The following FRRS1 variants were observed in gnomAD, a reference collection of about 807,000 sequenced individuals.
FRRS1 encodes ferric chelate reductase 1.
Under a neutral mutation model 70.7 loss-of-function variants are expected in FRRS1, and 51 were observed. The observed-to-expected ratio is 0.72, with a 90% CI of 0.58 to 0.91. The LOEUF is 0.91. Among genes scored for constraint, FRRS1 ranks in the 40% least tolerant of loss-of-function variants. The pLI is 0.00. For synonymous variants in FRRS1, 225 were observed against 238.7 expected, an observed-to-expected ratio of 0.94 and a Z score of 0.53; for missense variants, 672 against 726.0, an observed-to-expected ratio of 0.93 and a Z score of 0.86.
chr1:99,725,173 C>T (rs1370289982), intron 9 of FRRS1, among the ~76,000 whole-genome samples: 2 of 152,094 alleles, frequency 1.3e-5, no homozygotes, highest in Admixed American at 6.6e-5. Flanking sequence ...CTAATGCCAC[C>T]GCTGATCTGA....
intron 1 of FRRS1, among the ~76,000 whole-genome samples, chr1:99,760,263 T>C (rs1372318101): frequency 6.6e-6 from 1 of 152,250 alleles, no homozygotes; most frequent in Non-Finnish European, 1.5e-5. Flanking sequence ...ACTATTGGGC[T>C]TAGATAAACT....
chr1:99,709,405 G>A, intron 15 of FRRS1, 146 bp from the exon 16 acceptor site: 3 of 624,720 alleles, frequency 4.8e-6, no homozygotes, highest in Non-Finnish European at 8.6e-6. Context: ...CAGACTTCCT[G>A]AACAATTAAG....
At chr1:99,756,036 T>C (rs995187895) in intron 1 of FRRS1, among the ~76,000 whole-genome samples, 2 of 152,202 alleles carry the variant, frequency 1.3e-5, no homozygotes, top group African/African-American at 4.8e-5. Context: ...TTAGCCAACC[T>C]ATATTAACAG....
In FRRS1 at chr1:99,706,091, T is replaced by G. The variant is rs1399884074; in HGVS notation, c.*2937A>C. 6.6e-6 allele frequency among the ~76,000 whole-genome samples: 1 copy of G among 151,962 alleles called. No individual in the cohort carries two copies. Among genetic ancestry groups the G allele is most frequent in the African/African-American group, 2.4e-5 (1 of 41,378 alleles). ...GAATAATTTGGTTCTAATCAAAAGA[T>G]TTGGTCTATTTGGGGCCAGGTGCAA... is the stretch of plus-strand genomic sequence containing the variant. On this transcript the variant is annotated 3_prime_UTR_variant, in exon 17 of 17. Coordinates refer to ENST00000646001, the MANE Select transcript of FRRS1 (RefSeq NM_001361041.2).
rs191051738 is a variant in FRRS1, at chr1:99,713,309, G to A, written c.1324-794C>T. On this transcript the variant is annotated intron_variant, in intron 12 of 16. Transcript: ENST00000646001. ...CCAAGGAATCCAGCTTTAGAATGGC[G>A]CTCTTAACCTTTGTTCTATCGTATT... Among the ~76,000 whole-genome samples, 29 of 152,294 alleles carry A rather than the reference G, an allele frequency of 1.9e-4. 1 individual carries two copies. Among genetic ancestry groups the A allele is most frequent in the Admixed American group, 5.2e-4 (8 of 15,306 alleles).
chr1:99,752,493 C>A (rs924641761), intron 1 of FRRS1, among the ~76,000 whole-genome samples: 6 of 152,202 alleles, frequency 3.9e-5, no homozygotes, highest in African/African-American at 1.4e-4. Flanking sequence ...TCAGAACATA[C>A]ACAGTTATCA....
At chr1:99,732,929 G>C (rs902789032) in intron 7 of FRRS1, among the ~76,000 whole-genome samples, 2 of 150,438 alleles carry the variant, frequency 1.3e-5, no homozygotes, top group Non-Finnish European at 1.5e-5. Context: ...CTGCAGCTTT[G>C]ACCTCCTGGG....
At chr1:99,755,141 C>T (rs759255429) in intron 1 of FRRS1, among the ~76,000 whole-genome samples, 1 of 151,892 alleles carries the variant, frequency 6.6e-6, no homozygotes, top group Non-Finnish European at 1.5e-5. Context: ...TAACTGCAGC[C>T]AAGTGCAGTA....
chr1:99,747,513 T>G, intron 3 of FRRS1, 83 bp from the exon 4 acceptor site: 1 of 1,308,876 alleles, frequency 7.6e-7, no homozygotes, highest in Non-Finnish European at 1.1e-6. Flanking sequence ...ACAATTACAA[T>G]GAGGTCTACA....
chr1:99,728,742 C>A (rs1007937401), intron 8 of FRRS1, 102 bp from the exon 9 acceptor site: 3 of 921,066 alleles, frequency 3.3e-6, no homozygotes, highest in Non-Finnish European at 4.9e-6. Flanking sequence ...TCTCTAAGAT[C>A]GTATGTCCAT....
intron 5 of FRRS1, 57 bp downstream of exon 5, chr1:99,742,122 G>A (rs747649194): frequency 1.0e-4 from 110 of 1,100,142 alleles, no homozygotes; most frequent in Non-Finnish European, 1.4e-4. Context: ...CCAAAGTGCT[G>A]GGATTATAGG....
intron 6 of FRRS1, 57 bp downstream of exon 6, chr1:99,740,736 G>T (rs538631675): frequency 8.1e-6 from 10 of 1,241,866 alleles, no homozygotes; most frequent in Non-Finnish European, 1.2e-5. Flanking sequence ...GTTCGAGACC[G>T]GCCTGGGCAA....
chr1:99,727,425 T>G (rs1655127591), intron 9 of FRRS1, among the ~76,000 whole-genome samples: 1 of 152,228 alleles, frequency 6.6e-6, no homozygotes, highest in South Asian at 2.1e-4. Context: ...TCTAAAAATG[T>G]TCCTTTAGCA....
At position 99,738,185 on chromosome 1, in the gene FRRS1, G is replaced by A. The variant is rs765773525; in HGVS notation, c.660C>T (p.Val220=). The change falls in exon 7 of 17, where the codon GTC becomes GTT. Residue 220 remains valine, a synonymous_variant. Transcript: ENST00000646001. ...GGTCATCTCTTGTGAAGGACAAGAA[G>A]ACACAGGAAGCCTCCTTCTCTGGGT... is the stretch of plus-strand genomic sequence containing the variant. ...NCDPEKEASC[V]FLSFTRDDQS... 34 of 1,613,646 alleles carry A rather than the reference G, an allele frequency of 2.1e-5. No individual in the cohort carries two copies. In the South Asian group the frequency reaches 3.4e-4, roughly 16 times the overall value.
chr1:99,718,248 T>C (rs1374902677), intron 10 of FRRS1, among the ~76,000 whole-genome samples: 1 of 152,368 alleles, frequency 6.6e-6, no homozygotes, highest in East Asian at 1.9e-4. Flanking sequence ...ATCCCATCTT[T>C]TTAACTATAA....
chr1:99,742,270 A>T lies in FRRS1; in HGVS notation c.337T>A (p.Ser113Thr), dbSNP rs1235532610. The T allele has an allele frequency of 6.3e-7, 1 of 1,591,248 alleles. No individual in the cohort carries two copies. The highest frequency in any genetic ancestry group is 8.6e-7 in the Non-Finnish European group (1 of 1,159,374). ...QLLTCEDIQGSAVSHRSASKK... is the reference protein window; with the variant it reads ...QLLTCEDIQGTAVSHRSASKK... Reference sequence around the variant, plus strand: ...GATGCACTTCTGTGACTCACTGCTGATCCCTGAAATAAAAGGGAAAAGAGC... The same window carrying T: ...GATGCACTTCTGTGACTCACTGCTGTTCCCTGAAATAAAAGGGAAAAGAGC... The change falls in exon 5 of 17, where the codon TCA (serine) becomes ACA (threonine). Residue 113 changes from serine (S) to threonine (T), a missense_variant. Transcript: ENST00000646001.
chr1:99,750,751 C>A (rs147901300), intron 1 of FRRS1, among the ~76,000 whole-genome samples: 2 of 150,832 alleles, frequency 1.3e-5, no homozygotes, highest in Non-Finnish European at 2.9e-5. Context: ...AATGTGGAAT[C>A]GGAATTCCAG....
Position 99,755,726 on chromosome 1 carries a change from A to G in FRRS1, c.-105-6725T>C, listed in dbSNP as rs139939539. 5.3e-3 allele frequency among the ~76,000 whole-genome samples: 803 copies of G among 152,334 alleles called. 5 individuals carry two copies. The highest frequency in any genetic ancestry group is 0.018 in the African/African-American group (744 of 41,574). On this transcript the variant is annotated intron_variant, in intron 1 of 16. Coordinates refer to ENST00000646001, the MANE Select transcript of FRRS1 (RefSeq NM_001361041.2). Reference sequence around the variant, plus strand: ...ACACCAAGTGAACCAGAAGACATTCAAGGCCACCTTCAATTCTAAAATTTT... The same window carrying G: ...ACACCAAGTGAACCAGAAGACATTCGAGGCCACCTTCAATTCTAAAATTTT...
At chr1:99,712,185 A>G (rs1654302362) in intron 13 of FRRS1, 22 bp from the exon 14 acceptor site, 6 of 1,542,188 alleles carry the variant, frequency 3.9e-6, no homozygotes, top group Non-Finnish European at 5.4e-6. Flanking sequence ...AGAACCAGTC[A>G]GTATTCTTAA....
Sources: allele counts gnomAD v4.1 joint callset (sites outside exome capture counted in the v4.1 genomes callset), GRCh38; gene constraint gnomAD v4.1.1; transcripts MANE v1.5; gene names NCBI Gene and HGNC (gene_info 2026-07-23, HGNC 2026-07-21).